SV2A: variants seen among roughly 807,000 people sequenced by gnomAD.
The protein encoded by SV2A is synaptic vesicle glycoprotein 2A, also known as solute carrier family 22 member B1.
SV2A carries 25 observed loss-of-function variants against 78.0 expected under a neutral mutation model. That is an observed-to-expected ratio of 0.32 (90% CI 0.23 to 0.45). The LOEUF is 0.45. Ranked by LOEUF, SV2A falls within the 20% of genes least tolerant of loss-of-function variation. The pLI, the probability that SV2A is intolerant of heterozygous loss-of-function variation, is 1.00. For synonymous variants in SV2A, 355 were observed against 384.7 expected (o/e 0.92, Z 0.90); for missense variants, 752 against 971.5 (o/e 0.77, Z 3.00).
rs587753337 is a variant in SV2A, at chr1:149,910,489, G to A, written c.1089+81C>T. ...AGGATCAAATCAAACTCCAGTTGGT[G>A]TTTGAACACAGAAGCCCCTGCTGCC... is the stretch of plus-strand genomic sequence containing the variant. On this transcript the variant is annotated intron_variant, in intron 5 of 12. Transcript: ENST00000369146. The surrounding 1 kb of genome is among the most constrained non-coding windows in gnomAD (Gnocchi z 4.2). 81 of 1,463,582 alleles carry A rather than the reference G, an allele frequency of 5.5e-5. No individual in the cohort carries two copies. In the African/African-American group the frequency reaches 1.1e-3, roughly 20 times the overall value. 90.7% of individuals were successfully genotyped at this position (1,463,582 alleles called of 1,614,324 possible).
intron 1 of SV2A, among the ~76,000 whole-genome samples, chr1:149,916,478 G>T (rs1309893711): frequency 6.6e-6 from 1 of 152,234 alleles, no homozygotes; most frequent in African/African-American, 2.4e-5. Flanking sequence ...AAGGTTCAGG[G>T]TTACAAGGTC....
At chr1:149,907,924 A>G in intron 9 of SV2A, 91 bp from the exon 10 acceptor site, 1 of 1,573,196 alleles carries the variant, frequency 6.4e-7, no homozygotes, top group Non-Finnish European at 8.6e-7. Flanking sequence ...GAAGCTGGGC[A>G]TTGAGAAGAA....
At chr1:149,906,095 C>G in intron 11 of SV2A, 56 bp from the exon 12 acceptor site, 1 of 1,593,338 alleles carries the variant, frequency 6.3e-7, no homozygotes, top group African/African-American at 1.3e-5. Context: ...AACCCACCCA[C>G]AGCCCACCCT....
rs142092202 is a variant in SV2A at position 149,908,417 on chromosome 1, G to A, written c.1380-211C>T. Among the ~76,000 whole-genome samples, 43 of 152,186 alleles carry A rather than the reference G, an allele frequency of 2.8e-4. 2 individuals carry two copies. In the East Asian group the frequency reaches 7.9e-3, roughly 28 times the overall value. On this transcript the variant is annotated intron_variant, in intron 8 of 12. Transcript: ENST00000369146. ...TTGCTGCGCTCCTGGGGGACTTCAG[G>A]GTCTCGCACAGCAGCCACTATACTT...
intron 8 of SV2A, 37 bp downstream of exon 8, chr1:149,909,155 A>G (rs2092458493): frequency 1.3e-6 from 2 of 1,596,990 alleles, no homozygotes; most frequent in Admixed American, 3.3e-5. Context: ...ACACCACCAC[A>G]ACCACCACAC....
In SV2A at chr1:149,913,566, T is replaced by A; in HGVS notation, c.275A>T (p.Glu92Val). 1 of 1,613,812 alleles carries A rather than the reference T, an allele frequency of 6.2e-7. No homozygotes were observed. The change falls in exon 2 of 13, where the codon GAG becomes GTG. Residue 92 changes from glutamate (E) to valine (V), a missense_variant. Glu to Val is a moderately radical substitution (Grantham distance 121). Transcript: ENST00000369146. ...GCCCTGATATTCCCCTTCATAGATC[T>A]CATCATCCTCGTCATGGCCCTCAGT... ...DATEGHDEDD[E>V]IYEGEYQGIP...
At chr1:149,912,988 C>T (rs2092485006) in intron 2 of SV2A, among the ~76,000 whole-genome samples, 2 of 152,294 alleles carry the variant, frequency 1.3e-5, no homozygotes, top group East Asian at 3.9e-4. Context: ...GGCCCAAGCC[C>T]CAGTCCAGCT....
Position 149,904,963 on chromosome 1 carries a change from A to C in SV2A, c.*51T>G. 1 of 1,536,572 alleles carries C rather than the reference A, an allele frequency of 6.5e-7. No homozygotes were observed. Among genetic ancestry groups the C allele is most frequent in the Non-Finnish European group, 8.8e-7 (1 of 1,136,418 alleles). ...GGCAGGGCAGGGAGGGGAAGGAAGG[A>C]GTTGTTGGTCTCACAGTGTGCCTGC... On this transcript the variant is annotated 3_prime_UTR_variant, in exon 13 of 13. Coordinates refer to ENST00000369146, the MANE Select transcript of SV2A (RefSeq NM_014849.5).
chr1:149,912,472 C>T (rs2092481696), intron 2 of SV2A, among the ~76,000 whole-genome samples: 2 of 152,202 alleles, frequency 1.3e-5, no homozygotes, highest in Admixed American at 6.5e-5. Flanking sequence ...CTCAATATTT[C>T]TGGTCCAAAA....
chr1:149,905,336 G>A, intron 12 of SV2A, 139 bp from the exon 13 acceptor site: 1 of 705,152 alleles, frequency 1.4e-6, no homozygotes, highest in South Asian at 2.3e-5. Flanking sequence ...GATCAGAGAG[G>A]TAAAGGATGT....
Position 149,913,456 on chromosome 1 carries a change from C to CATCACT in SV2A, c.379_384dup (p.Ser127_Asp128dup). The CATCACT allele has an allele frequency of 6.2e-7, 1 of 1,613,792 alleles. No homozygotes were observed. The highest frequency in any genetic ancestry group is 1.1e-5 in the South Asian group (1 of 91,056). ...CCCCGGCCCCCAGGGGGACCCTCCC[C>CATCACT]ATCACTCAAGCCCCCCCTTACTCCA... On this transcript the variant is annotated inframe_insertion, in exon 2 of 13. Transcript: ENST00000369146.
Position 149,910,808 on chromosome 1 carries a change from T to C in SV2A, c.955+18A>G. On this transcript the variant is annotated intron_variant, in intron 4 of 12. Coordinates refer to ENST00000369146, the MANE Select transcript of SV2A (RefSeq NM_014849.5). The surrounding 1 kb of genome is among the most constrained non-coding windows in gnomAD (Gnocchi z 4.2). ...GAGGAGGGAGATAACCTGGGGTGGA[T>C]TTCCGGGGGCTGCTCACCATAGTGG... The C allele has an allele frequency of 6.2e-7, 1 of 1,612,570 alleles. No individual in the cohort carries two copies. The highest frequency in any genetic ancestry group is 8.5e-7 in the Non-Finnish European group (1 of 1,178,806).
intron 8 of SV2A, 23 bp downstream of exon 8, chr1:149,909,169 A>G: frequency 4.4e-6 from 7 of 1,608,608 alleles, no homozygotes; most frequent in Non-Finnish European, 6.0e-6. Context: ...ACCACACATC[A>G]CCCAGCCCAC....
chr1:149,915,678 A>G (rs943086846), intron 1 of SV2A, among the ~76,000 whole-genome samples: 1 of 152,168 alleles, frequency 6.6e-6, no homozygotes. Flanking sequence ...GTCAAGGAAG[A>G]AGGAGTCCAC....
chr1:149,906,061 G>A, intron 11 of SV2A, 22 bp from the exon 12 acceptor site: 1 of 1,613,502 alleles, frequency 6.2e-7, no homozygotes, highest in Non-Finnish European at 8.5e-7. Context: ...AGAGGAGAGA[G>A]CAACATGAGC....
chr1:149,906,052 G>A lies in SV2A; in HGVS notation c.1886-13C>T. The A allele has an allele frequency of 6.2e-7, 1 of 1,613,974 alleles. No individual in the cohort carries two copies. The highest frequency in any genetic ancestry group is 1.7e-5 in the Admixed American group (1 of 60,022). On this transcript the variant is annotated splice_polypyrimidine_tract_variant and intron_variant, in intron 11 of 12. Coordinates refer to ENST00000369146, the MANE Select transcript of SV2A (RefSeq NM_014849.5). ...ACGCTGGAGCCAGCTGGAGCCAGGA[G>A]AGGAGAGAGCAACATGAGCCTGGCC... is the stretch of plus-strand genomic sequence containing the variant.
At position 149,914,071 on chromosome 1, in the gene SV2A, T is replaced by G; in HGVS notation, c.-231A>C. On this transcript the variant is annotated 5_prime_UTR_variant, in exon 2 of 13. Coordinates refer to ENST00000369146, the MANE Select transcript of SV2A (RefSeq NM_014849.5). ...CCTATACCCAGTTCAGTTGGGTGGA[T>G]GGGGAAGGGACAGGGGGAGCAGGGG... 4.1e-6 allele frequency: 2 copies of G among 482,676 alleles called. No individual in the cohort carries two copies. Among genetic ancestry groups the G allele is most frequent in the Non-Finnish European group, 3.5e-6 (1 of 288,024 alleles). The allele number at this position is 482,676 out of a possible 1,614,324, so 29.9% of individuals were successfully genotyped here.
chr1:149,914,183 G>C lies in SV2A; in HGVS notation c.-343C>G. On this transcript the variant is annotated 5_prime_UTR_variant, in exon 2 of 13. Coordinates refer to ENST00000369146, the MANE Select transcript of SV2A (RefSeq NM_014849.5). ...CCTGCTTCTCTTCCACAAGCCTCTG[G>C]AGACCTAGAAAAAATAACAGACAGC... 4.2e-6 allele frequency: 1 copy of C among 236,822 alleles called. No individual in the cohort carries two copies. The highest frequency in any genetic ancestry group is 9.7e-5 in the South Asian group (1 of 10,314). 14.7% of individuals were successfully genotyped at this position (236,822 alleles called of 1,614,324 possible). A position where few individuals can be genotyped will look rare whatever the true frequency, so the allele number is the denominator to read the frequency against.
chr1:149,910,758 A>T lies in SV2A; in HGVS notation c.956-55T>A. ...GAGAGGCCAGAGGCTGGGGGAACCC[A>T]CCACAGGGAGCACAGAAGAAGAGGG... On this transcript the variant is annotated intron_variant, in intron 4 of 12. Transcript: ENST00000369146. This position sits in a 1 kb window ranked among gnomAD's most constrained non-coding sequence, Gnocchi z 4.2. 6.2e-7 allele frequency: 1 copy of T among 1,612,366 alleles called. No individual in the cohort carries two copies. The highest frequency in any genetic ancestry group is 8.5e-7 in the Non-Finnish European group (1 of 1,178,890).
Sources: gnomAD v4.1 joint callset for allele counts (sites outside exome capture counted in the v4.1 genomes callset) on GRCh38, gnomAD v4.1.1 for gene constraint, Gnocchi (gnomAD v3.1) non-coding constraint, MANE v1.5 for transcripts, NCBI Gene and HGNC (gene_info 2026-07-23, HGNC 2026-07-21) for gene names.